Variants in DCAKD observed in about 807,000 individuals in gnomAD.
The protein encoded by DCAKD is dephospho-CoA kinase domain-containing protein.
In DCAKD, 15 loss-of-function variants were observed where a neutral mutation model predicts 18.7. The observed-to-expected ratio is 0.80, with a 90% CI of 0.54 to 1.24. DCAKD has a LOEUF of 1.24. Ranked by LOEUF, DCAKD falls within the 50% of genes most tolerant of loss-of-function variation. The pLI, the probability that DCAKD is intolerant of heterozygous loss-of-function variation, is 0.00. For missense variants in DCAKD, 301 were observed against 322.0 expected, an observed-to-expected ratio of 0.93 and a Z score of 0.50; for synonymous variants, 130 against 133.0, an observed-to-expected ratio of 0.98 and a Z score of 0.16.
At chr17:45,036,616 G>A (rs1367873996) in intron 1 of DCAKD, among the ~76,000 whole-genome samples, 5 of 152,126 alleles carry the variant, frequency 3.3e-5, no homozygotes, top group Non-Finnish European at 5.9e-5. Context: ...TAGTGATACA[G>A]GGTGAAAAGT....
chr17:45,036,274 T>TG (rs1018597073), intron 1 of DCAKD, among the ~76,000 whole-genome samples: 1 of 152,192 alleles, frequency 6.6e-6, no homozygotes, highest in African/African-American at 2.4e-5. Flanking sequence ...CCCAGCACTT[T>TG]GGGAGGCCGA....
At chr17:45,026,667 A>G in intron 4 of DCAKD, 4 of 985,404 alleles carry the variant, frequency 4.1e-6, no homozygotes, top group Non-Finnish European at 4.8e-6. Flanking sequence ...GTGAGGCCAA[A>G]AACAAATGCA....
chr17:45,033,889 T>A, intron 3 of DCAKD: 1 of 1,340,826 alleles, frequency 7.5e-7, no homozygotes, highest in Non-Finnish European at 9.7e-7. Flanking sequence ...GCTCCATTAT[T>A]CACCAGCTCT....
intron 1 of DCAKD, among the ~76,000 whole-genome samples, chr17:45,038,818 C>T (rs552053236): frequency 5.9e-5 from 9 of 152,200 alleles, no homozygotes; most frequent in East Asian, 1.9e-4. Flanking sequence ...AGGGAGGCTC[C>T]GGGTCCCCAA....
chr17:45,044,246 C>T (rs74668890), intron 1 of DCAKD, among the ~76,000 whole-genome samples: 2,326 of 152,184 alleles, frequency 0.015, 69 homozygotes, highest in African/African-American at 0.052. Context: ...AGGCCTGTGC[C>T]CCAATGTCCC....
chr17:45,033,773 GATT>G (rs1167471803), intron 3 of DCAKD: 1 of 867,554 alleles, frequency 1.2e-6, no homozygotes, highest in Non-Finnish European at 1.5e-6. Flanking sequence ...CCTCATGTTG[GATT>G]ATTATCCCCA....
chr17:45,030,660 G>A (rs2053156290), intron 3 of DCAKD, among the ~76,000 whole-genome samples: 1 of 152,220 alleles, frequency 6.6e-6, no homozygotes, highest in African/African-American at 2.4e-5. Flanking sequence ...ACACCCAAAA[G>A]ATAGGTTCTC....
At chr17:45,044,219 C>G (rs77508492) in intron 1 of DCAKD, among the ~76,000 whole-genome samples, 2,293 of 152,214 alleles carry the variant, frequency 0.015, 68 homozygotes, top group African/African-American at 0.052. Flanking sequence ...ACCACTCCCC[C>G]CTACATCACT....
intron 1 of DCAKD, among the ~76,000 whole-genome samples, chr17:45,057,230 G>A (rs1018867530): frequency 6.6e-6 from 1 of 151,714 alleles, no homozygotes; most frequent in Non-Finnish European, 1.5e-5. Flanking sequence ...TTTTTTTAGA[G>A]ACAGGGTCCT....
intron 1 of DCAKD, among the ~76,000 whole-genome samples, chr17:45,059,433 C>T (rs910611876): frequency 2.0e-5 from 3 of 152,096 alleles, no homozygotes; most frequent in Admixed American, 2.0e-4. Flanking sequence ...AGAATTAGTC[C>T]TCTCATCACC....
rs954011636 is a variant in DCAKD at position 45,032,093 on chromosome 17, G to A, written c.317-1914C>T. On this transcript the variant is annotated intron_variant, in intron 3 of 4. Transcript: ENST00000651974. Reference sequence around the variant, plus strand: ...ATTTCAGAAGGGGAGAGCCACTGCCGCCTCGAAGCCCTGCAGATATACCAG... The same window carrying A: ...ATTTCAGAAGGGGAGAGCCACTGCCACCTCGAAGCCCTGCAGATATACCAG... 5 of 985,292 alleles carry A rather than the reference G, an allele frequency of 5.1e-6. No homozygotes were observed. In the African/African-American group the frequency reaches 5.2e-5, roughly 10 times the overall value. The allele number at this position is 985,292 out of a possible 1,614,324, so 61.0% of individuals were successfully genotyped here.
At chr17:45,041,335 G>A (rs940690807) in intron 1 of DCAKD, among the ~76,000 whole-genome samples, 9 of 146,310 alleles carry the variant, frequency 6.2e-5, no homozygotes, top group African/African-American at 1.5e-4. Flanking sequence ...TTTTTGAGAC[G>A]GAGTCTGGCT....
intron 3 of DCAKD, chr17:45,033,756 T>C: frequency 1.4e-6 from 1 of 718,438 alleles, no homozygotes; most frequent in Non-Finnish European, 1.9e-6. Flanking sequence ...TGAGCCACTG[T>C]GCCCAGCCTC....
intron 4 of DCAKD, among the ~76,000 whole-genome samples, chr17:45,025,051 T>G (rs547011299): frequency 1.9e-4 from 29 of 150,268 alleles, no homozygotes; most frequent in African/African-American, 6.4e-4. Flanking sequence ...TCTCTTTGCT[T>G]TGCTACTAGA....
chr17:45,027,114 G>A (rs548705078), intron 4 of DCAKD, among the ~76,000 whole-genome samples: 3 of 152,224 alleles, frequency 2.0e-5, no homozygotes, highest in Admixed American at 1.3e-4. Context: ...AGGCCGAGGA[G>A]GAGGATCATT....
At position 45,024,493 on chromosome 17, in the gene DCAKD, C is replaced by G. The variant is rs968791410; in HGVS notation, c.636G>C (p.Gly212=). Residue 212 remains glycine (G), a synonymous_variant, in exon 5 of 5, where the codon GGG becomes GGC. Transcript: ENST00000651974. ...YLPLRFGVLT[G]LAAIASLLYL... ...AGAGGAGGCTGGCAATGGCAGCGAG[C>G]CCTGTGAGGACCCCAAACCTCAGCG... The G allele has an allele frequency of 1.4e-5, 22 of 1,613,710 alleles. No individual in the cohort carries two copies. In the African/African-American group the frequency reaches 2.9e-4, roughly 22 times the overall value.
intron 1 of DCAKD, among the ~76,000 whole-genome samples, chr17:45,045,768 A>G (rs1194610374): frequency 6.6e-6 from 1 of 151,894 alleles, no homozygotes; most frequent in Non-Finnish European, 1.5e-5. Flanking sequence ...TTGAATTAAT[A>G]CATAAACCAT....
intron 1 of DCAKD, among the ~76,000 whole-genome samples, chr17:45,048,408 C>T (rs1382122853): frequency 1.3e-5 from 2 of 151,858 alleles, no homozygotes; most frequent in Non-Finnish European, 2.9e-5. Context: ...TTTGGGAGGC[C>T]GAGGGCGGAT....
chr17:45,053,188 A>AAC (rs2053742666), upstream of DCAKD, among the ~76,000 whole-genome samples: 1 of 136,352 alleles, frequency 7.3e-6, no homozygotes, highest in Admixed American at 7.7e-5. Context: ...AAAAAAAAAA[A>AAC]AAAAAAAACT....
Sources: gnomAD v4.1 joint callset for allele counts (sites outside exome capture counted in the v4.1 genomes callset) on GRCh38, gnomAD v4.1.1 for gene constraint, MANE v1.5 for transcripts, NCBI Gene and HGNC (gene_info 2026-07-23, HGNC 2026-07-21) for gene names.